SLC25A48: variants seen among roughly 807,000 people sequenced by gnomAD.
SLC25A48 encodes CTC-321K16.1.
A neutral mutation model predicts 32.2 loss-of-function variants in SLC25A48; 29 were observed. The ratio of observed to expected loss-of-function variants is 0.90; its 90% CI spans 0.67 to 1.23. The LOEUF is 1.23. SLC25A48 is among the 50% of genes most tolerant of loss of function. The pLI is 0.00. For missense variants in SLC25A48, 399 were observed against 422.7 expected, an observed-to-expected ratio of 0.94 and a Z score of 0.49; for synonymous variants, 164 against 172.3, an observed-to-expected ratio of 0.95 and a Z score of 0.38.
chr5:135,786,072 T>C (rs557834539), intron 3 of SLC25A48, among the ~76,000 whole-genome samples: 1 of 151,398 alleles, frequency 6.6e-6, no homozygotes, highest in South Asian at 2.1e-4. Flanking sequence ...CTTTGCCCCA[T>C]GGATTCTAAT....
chr5:135,685,887 G>A (rs1467990552), intron 3 of SLC25A48, among the ~76,000 whole-genome samples: 1 of 152,240 alleles, frequency 6.6e-6, no homozygotes, highest in East Asian at 1.9e-4. Context: ...AGCAAGTCCT[G>A]CAGATTCCCT....
At chr5:135,681,111 G>A (rs1753887453) in intron 3 of SLC25A48, among the ~76,000 whole-genome samples, 1 of 152,078 alleles carries the variant, frequency 6.6e-6, no homozygotes, top group Admixed American at 6.5e-5. Context: ...TCAGCCTCCT[G>A]AGTGGCCGGG....
At chr5:135,873,868 G>T (rs1338755611) in intron 5 of SLC25A48, among the ~76,000 whole-genome samples, 153 bp from the exon 6 acceptor site, 6 of 152,188 alleles carry the variant, frequency 3.9e-5, no homozygotes, top group African/African-American at 1.4e-4. Context: ...AAGTGGCGAG[G>T]GAGAATCAGA....
intron 3 of SLC25A48, among the ~76,000 whole-genome samples, chr5:135,802,075 C>T (rs949950974): frequency 6.6e-6 from 1 of 151,752 alleles, no homozygotes; most frequent in Non-Finnish European, 1.5e-5. Flanking sequence ...GGGTTGTACA[C>T]TCCCCTGTTC....
chr5:135,668,717 A>G (rs1753580791), intron 3 of SLC25A48, among the ~76,000 whole-genome samples: 1 of 152,216 alleles, frequency 6.6e-6, no homozygotes, highest in African/African-American at 2.4e-5. Flanking sequence ...AGCAGCAAAC[A>G]GGGGATGAAG....
intron 3 of SLC25A48, among the ~76,000 whole-genome samples, chr5:135,795,334 AC>A (rs1049549641): frequency 1.3e-5 from 2 of 151,532 alleles, no homozygotes; most frequent in African/African-American, 4.9e-5. Flanking sequence ...AAGGGTTTAC[AC>A]CCCCCATGAT....
At chr5:135,737,960 G>A (rs757590423) in intron 3 of SLC25A48, among the ~76,000 whole-genome samples, 1 of 152,158 alleles carries the variant, frequency 6.6e-6, no homozygotes. Context: ...TCAGCAGAGC[G>A]ACATCATTGG....
At chr5:135,594,389 C>T (rs1038511715) in intron 1 of SLC25A48, among the ~76,000 whole-genome samples, 1 of 152,166 alleles carries the variant, frequency 6.6e-6, no homozygotes, top group African/African-American at 2.4e-5. Context: ...TAAGACACTG[C>T]GTGATGTGGT....
intron 5 of SLC25A48, among the ~76,000 whole-genome samples, chr5:135,873,560 G>T (rs1761828453): frequency 6.6e-6 from 1 of 152,124 alleles, no homozygotes; most frequent in Non-Finnish European, 1.5e-5. Flanking sequence ...AGTAAATCCT[G>T]CCCTCAGTGA....
At chr5:135,764,957 C>G (rs1055630955) in intron 3 of SLC25A48, among the ~76,000 whole-genome samples, 1 of 150,984 alleles carries the variant, frequency 6.6e-6, no homozygotes, top group Non-Finnish European at 1.5e-5. Context: ...TATCACGGGA[C>G]GTGTACATCT....
intron 3 of SLC25A48, among the ~76,000 whole-genome samples, chr5:135,636,746 A>G (rs760672274): frequency 1.3e-5 from 2 of 152,228 alleles, no homozygotes; most frequent in African/African-American, 4.8e-5. Context: ...ACAGTAGCCA[A>G]AGTCTTTAGA....
chr5:135,625,686 T>C (rs1374878273), intron 1 of SLC25A48, among the ~76,000 whole-genome samples: 1 of 152,142 alleles, frequency 6.6e-6, no homozygotes, highest in Non-Finnish European at 1.5e-5. Flanking sequence ...TCTGGGATTT[T>C]TGGGTGTTTT....
At chr5:135,873,772 C>G (rs1581048243) in intron 5 of SLC25A48, among the ~76,000 whole-genome samples, 1 of 152,310 alleles carries the variant, frequency 6.6e-6, no homozygotes, top group Non-Finnish European at 1.5e-5. Flanking sequence ...AAAACAGCCC[C>G]ATAAAGATAG....
At chr5:135,814,462 C>T (rs1456137146) in intron 4 of SLC25A48, among the ~76,000 whole-genome samples, 1 of 152,202 alleles carries the variant, frequency 6.6e-6, no homozygotes, top group Non-Finnish European at 1.5e-5. Flanking sequence ...CCTGCCTGTG[C>T]TGTCCTCACC....
chr5:135,846,225 T>A (rs1382658933), intron 2 of SLC25A48, among the ~76,000 whole-genome samples: 1 of 152,202 alleles, frequency 6.6e-6, no homozygotes, highest in Non-Finnish European at 1.5e-5. Context: ...CACCCCACCC[T>A]GGTCTTTGGA....
chr5:135,714,166 G>T (rs1283444151), intron 3 of SLC25A48, among the ~76,000 whole-genome samples: 1 of 152,212 alleles, frequency 6.6e-6, no homozygotes, highest in Non-Finnish European at 1.5e-5. Flanking sequence ...AGTGCAGAGA[G>T]GCGCATCGGC....
chr5:135,632,190 C>CTACA (rs1234663920), intron 2 of SLC25A48, among the ~76,000 whole-genome samples: 1 of 152,214 alleles, frequency 6.6e-6, no homozygotes, highest in Non-Finnish European at 1.5e-5. Context: ...GTCTTCTGTA[C>CTACA]TACAGTGCGT....
At chr5:135,811,765 T>C (rs972312451) in intron 3 of SLC25A48, among the ~76,000 whole-genome samples, 2 of 152,168 alleles carry the variant, frequency 1.3e-5, no homozygotes, top group African/African-American at 2.4e-5. Context: ...AATTCTTCCT[T>C]TGGTAAAATT....
chr5:135,852,516 C>T (rs374343242), intron 3 of SLC25A48, 47 bp from the exon 4 acceptor site: 77 of 1,552,306 alleles, frequency 5.0e-5, no homozygotes, highest in Non-Finnish European at 6.5e-5. Context: ...GGCTCTGCGA[C>T]GGCAGCCCGG....
Sources: allele counts gnomAD v4.1 joint callset (sites outside exome capture counted in the v4.1 genomes callset), GRCh38; gene constraint gnomAD v4.1.1; transcripts MANE v1.5; gene names NCBI Gene and HGNC (gene_info 2026-07-23, HGNC 2026-07-21).